NOX4: variants seen among roughly 807,000 people sequenced by gnomAD.
NOX4 encodes the protein NADPH oxidase 4.
In NOX4, 69 loss-of-function variants were observed where a neutral mutation model predicts 87.6. That is an observed-to-expected ratio of 0.79 (90% confidence interval 0.65 to 0.96). NOX4 has a LOEUF of 0.96. NOX4 is among the 40% of genes least tolerant of loss of function. The probability of loss-of-function intolerance (pLI) is 0.00; values close to 1 mark genes in which losing one functional copy is unlikely to be tolerated. For synonymous variants in NOX4, 275 were observed against 238.2 expected (o/e 1.15, Z -1.42); for missense variants, 680 against 681.5 (o/e 1.00, Z 0.02).
intron 2 of NOX4, among the ~76,000 whole-genome samples, chr11:89,490,233 G>A (rs1344109475): frequency 6.6e-6 from 1 of 152,140 alleles, no homozygotes; most frequent in African/African-American, 2.4e-5. Context: ...AGGTTCATTC[G>A]TTTCACTTCA....
chr11:89,332,844 G>A (rs1159658650), intron 17 of NOX4, among the ~76,000 whole-genome samples: 1 of 151,750 alleles, frequency 6.6e-6, no homozygotes. Context: ...AAAAATGAAG[G>A]CAGGTTGACT....
chr11:89,430,813 C>G (rs1943737856), intron 7 of NOX4, among the ~76,000 whole-genome samples: 1 of 152,170 alleles, frequency 6.6e-6, no homozygotes, highest in Non-Finnish European at 1.5e-5. Context: ...GCATCCTCAT[C>G]AAGCTACCAA....
At chr11:89,450,389 T>C (rs774754772) in intron 3 of NOX4, among the ~76,000 whole-genome samples, 1 of 152,154 alleles carries the variant, frequency 6.6e-6, no homozygotes, top group Non-Finnish European at 1.5e-5. Flanking sequence ...TCAATATCTA[T>C]CCAGCGGTGC....
the NOX4 span, among the ~76,000 whole-genome samples, chr11:89,566,762 G>A: frequency 6.6e-6 from 1 of 152,180 alleles, no homozygotes; most frequent in South Asian, 2.1e-4. Context: ...GAAGGGGGAG[G>A]AAGCTGGGAA....
the NOX4 span, among the ~76,000 whole-genome samples, chr11:89,587,829 G>T: frequency 7.2e-5 from 11 of 152,038 alleles, no homozygotes; most frequent in African/African-American, 2.7e-4. Context: ...AAAGGATTGG[G>T]ATTGGGCTAT....
intron 2 of NOX4, among the ~76,000 whole-genome samples, chr11:89,477,481 A>G (rs1946213330): frequency 6.6e-6 from 1 of 152,146 alleles, no homozygotes; most frequent in South Asian, 2.1e-4. Context: ...CAGGCCACGA[A>G]CTGGTCTCTG....
intron 4 of NOX4, 140 bp from the exon 5 acceptor site, chr11:89,444,372 G>A (rs1944591340): frequency 5.7e-6 from 4 of 699,100 alleles, no homozygotes; most frequent in Non-Finnish European, 9.5e-6. Context: ...ATTGAAAGGT[G>A]AAGTTTTAAA....
chr11:89,342,915 T>G (rs1252941049), intron 13 of NOX4, among the ~76,000 whole-genome samples: 2 of 152,168 alleles, frequency 1.3e-5, no homozygotes. Flanking sequence ...TCCCATTCTT[T>G]CTTAGTAACA....
intron 9 of NOX4, among the ~76,000 whole-genome samples, chr11:89,400,901 T>C (rs1409592287): frequency 6.6e-6 from 1 of 151,502 alleles, no homozygotes. Context: ...AGATGCAATA[T>C]GCTAGGCATG....
chr11:89,491,727 TACACACACACAC>T (rs66820323), upstream of NOX4, among the ~76,000 whole-genome samples: 38 of 140,746 alleles, frequency 2.7e-4, 1 homozygote, highest in East Asian at 7.6e-4. Context: ...CGCCCCCTTG[TACACACACACAC>T]ACACACACAC....
At chr11:89,356,718 T>G (rs554698535) in intron 12 of NOX4, among the ~76,000 whole-genome samples, 1 of 152,270 alleles carries the variant, frequency 6.6e-6, no homozygotes, top group South Asian at 2.1e-4. Flanking sequence ...TATCTCTCTA[T>G]CCCTCTTTCT....
At chr11:89,337,660 CAT>C in intron 15 of NOX4, 145 bp from the exon 16 acceptor site, 1 of 1,085,236 alleles carries the variant, frequency 9.2e-7, no homozygotes, top group Non-Finnish European at 1.3e-6. Context: ...TACACACACA[CAT>C]ACATACACAG....
At chr11:89,514,273 G>A in the NOX4 span, among the ~76,000 whole-genome samples, 1 of 151,644 alleles carries the variant, frequency 6.6e-6, no homozygotes, top group Non-Finnish European at 1.5e-5. Context: ...TGTTGTAAAT[G>A]GAATTGTGTT....
chr11:89,467,349 C>CAAAAAAAAAAAAAAAAAA (rs71052233), intron 2 of NOX4, among the ~76,000 whole-genome samples: 2 of 61,460 alleles, frequency 3.3e-5, no homozygotes, highest in African/African-American at 1.1e-4. Flanking sequence ...AAACTCGTCA[C>CAAAAAAAAAAAAAAAAAA]AAAAAAAAAA....
At chr11:89,417,621 A>G (rs894354897) in intron 8 of NOX4, among the ~76,000 whole-genome samples, 3 of 152,100 alleles carry the variant, frequency 2.0e-5, no homozygotes, top group Non-Finnish European at 4.4e-5. Context: ...TGTTCATCAA[A>G]TTACTTTGTT....
intron 12 of NOX4, among the ~76,000 whole-genome samples, chr11:89,372,673 C>T (rs564006259): frequency 6.6e-6 from 1 of 152,018 alleles, no homozygotes; most frequent in East Asian, 1.9e-4. Flanking sequence ...TTTTCTGGTT[C>T]CCTACAGATT....
the NOX4 span, among the ~76,000 whole-genome samples, chr11:89,565,216 C>G: frequency 6.6e-6 from 1 of 151,966 alleles, no homozygotes; most frequent in Non-Finnish European, 1.5e-5. Context: ...TTTACAGTTT[C>G]CTCTGTTAAG....
intron 6 of NOX4, among the ~76,000 whole-genome samples, chr11:89,438,397 T>A (rs1459024223): frequency 8.8e-6 from 1 of 113,180 alleles, no homozygotes; most frequent in Non-Finnish European, 1.6e-5. Context: ...ATAATTATAA[T>A]ATAAATAATA....
chr11:89,528,197 G>C, the NOX4 span, among the ~76,000 whole-genome samples: 1 of 152,126 alleles, frequency 6.6e-6, no homozygotes, highest in African/African-American at 2.4e-5. Flanking sequence ...TTTGGAACGG[G>C]GGTATTTACC....
Sources: gnomAD v4.1 joint callset for allele counts (sites outside exome capture counted in the v4.1 genomes callset) on GRCh38, gnomAD v4.1.1 for gene constraint, MANE v1.5 for transcripts, NCBI Gene and HGNC (gene_info 2026-07-23, HGNC 2026-07-21) for gene names.